The following ADCY1 variants were observed in gnomAD, a reference collection of about 807,000 sequenced individuals.
ADCY1 encodes adenylate cyclase type 1.
Under a neutral mutation model 105.4 loss-of-function variants are expected in ADCY1, and 28 were observed. The ratio of observed to expected loss-of-function variants is 0.27; its 90% confidence interval spans 0.20 to 0.36. The LOEUF (loss-of-function observed/expected upper bound fraction) is 0.36, where lower values mean the gene tolerates loss of function less well. Ranked by LOEUF, ADCY1 falls within the 10% of genes least tolerant of loss-of-function variation. ADCY1 has a pLI of 1.00. For synonymous variants in ADCY1, 655 were observed against 623.8 expected, an observed-to-expected ratio of 1.05 and a Z score of -0.75; for missense variants, 977 against 1,434.2, an observed-to-expected ratio of 0.68 and a Z score of 5.15.
chr7:45,610,807 ATGGTGGAGG>A (rs1793537783), intron 3 of ADCY1, among the ~76,000 whole-genome samples: 1 of 146,418 alleles, frequency 6.8e-6, no homozygotes, highest in African/African-American at 2.5e-5. Context: ...TGGGGAGGTG[ATGGTGGAGG>A]TATGGAGGTG....
At chr7:45,672,788 T>C (rs1440393819) in intron 8 of ADCY1, among the ~76,000 whole-genome samples, 2 of 152,194 alleles carry the variant, frequency 1.3e-5, no homozygotes, top group Non-Finnish European at 2.9e-5. Flanking sequence ...CCCATCTGTA[T>C]GCCTTTTACT....
intron 8 of ADCY1, among the ~76,000 whole-genome samples, chr7:45,665,909 G>A (rs1180167289): frequency 6.6e-6 from 1 of 152,168 alleles, no homozygotes; most frequent in Non-Finnish European, 1.5e-5. Flanking sequence ...TAAATCTTAC[G>A]AGGATAGCCT....
chr7:45,686,446 C>A lies in ADCY1; in HGVS notation c.2328-101C>A. The A allele has an allele frequency of 6.6e-7, 1 of 1,504,848 alleles. No homozygotes were observed. The highest frequency in any genetic ancestry group is 1.3e-5 in the South Asian group (1 of 74,644). 93.2% of individuals were successfully genotyped at this position (1,504,848 alleles called of 1,614,324 possible). A position where few individuals can be genotyped will look rare whatever the true frequency, so the allele number is the denominator to read the frequency against. On this transcript the variant is annotated intron_variant, in intron 13 of 19. Transcript: ENST00000297323. This position sits in a 1 kb window ranked among gnomAD's most constrained non-coding sequence, Gnocchi z 4.3. ...ATCCCAGCAAGCTGTTTTTGGGTGT[C>A]ACCACCTGAGGGTCACTCTGAACAG...
chr7:45,698,119 C>A (rs907517973), intron 14 of ADCY1, among the ~76,000 whole-genome samples: 2 of 151,832 alleles, frequency 1.3e-5, no homozygotes, highest in Non-Finnish European at 2.9e-5. Context: ...TTATAGAAAA[C>A]CACACATGCA....
At chr7:45,663,548 G>A (rs562945878) in intron 8 of ADCY1, among the ~76,000 whole-genome samples, 3 of 152,290 alleles carry the variant, frequency 2.0e-5, no homozygotes, top group East Asian at 3.9e-4. Flanking sequence ...TGGCTGGATC[G>A]GTGGGCTCAT....
At chr7:45,597,066 C>T (rs943703266) in intron 2 of ADCY1, among the ~76,000 whole-genome samples, 2 of 152,168 alleles carry the variant, frequency 1.3e-5, no homozygotes, top group Non-Finnish European at 2.9e-5. Context: ...GCTCAGAAAA[C>T]ACCTCCCAGT....
intron 2 of ADCY1, among the ~76,000 whole-genome samples, chr7:45,593,692 CAT>C (rs1792991550): frequency 6.6e-6 from 1 of 152,226 alleles, no homozygotes; most frequent in African/African-American, 2.4e-5. Flanking sequence ...CCAAACTGCT[CAT>C]GTCTCAGGCC....
chr7:45,669,420 T>G (rs1316677765), intron 8 of ADCY1, among the ~76,000 whole-genome samples: 1 of 152,242 alleles, frequency 6.6e-6, no homozygotes, highest in Admixed American at 6.5e-5. Flanking sequence ...GTTGTTCAGT[T>G]TCCATGTAGT....
At chr7:45,641,932 C>CAAA (rs56808890) in intron 4 of ADCY1, among the ~76,000 whole-genome samples, 2,688 of 36,408 alleles carry the variant, frequency 0.074, 532 homozygotes, top group Middle Eastern at 0.21. Context: ...GACTCCGTCT[C>CAAA]AAAAAAAAAA....
At chr7:45,589,219 C>T (rs1262312947) in intron 1 of ADCY1, among the ~76,000 whole-genome samples, 3 of 152,158 alleles carry the variant, frequency 2.0e-5, no homozygotes, top group Non-Finnish European at 2.9e-5. Context: ...GGTGTCCATA[C>T]TGGGAGACCA....
chr7:45,638,340 A>G (rs1199237894), intron 4 of ADCY1, among the ~76,000 whole-genome samples: 2 of 152,088 alleles, frequency 1.3e-5, no homozygotes, highest in African/African-American at 2.4e-5. Flanking sequence ...TCTGCAGTGT[A>G]TGTCATGTCA....
intron 2 of ADCY1, among the ~76,000 whole-genome samples, chr7:45,596,410 T>C (rs1313678949): frequency 6.6e-6 from 1 of 151,640 alleles, no homozygotes; most frequent in African/African-American, 2.4e-5. Context: ...CACCTGGTCC[T>C]GGGAGAGGAT....
At chr7:45,681,195 G>T (rs1784548225) in intron 11 of ADCY1, among the ~76,000 whole-genome samples, 1 of 152,212 alleles carries the variant, frequency 6.6e-6, no homozygotes, top group Admixed American at 6.5e-5. Context: ...GTGGGATTGG[G>T]GCGCTAAGTC....
intron 14 of ADCY1, among the ~76,000 whole-genome samples, chr7:45,690,472 A>G (rs998688849): frequency 6.6e-6 from 1 of 152,172 alleles, no homozygotes; most frequent in Non-Finnish European, 1.5e-5. Context: ...CAACCATGCA[A>G]AGAGGAACTG....
chr7:45,617,199 G>A (rs1793761846), intron 3 of ADCY1, among the ~76,000 whole-genome samples: 1 of 152,236 alleles, frequency 6.6e-6, no homozygotes. Flanking sequence ...ATTTGCTTGT[G>A]GAACTGGAGC....
intron 2 of ADCY1, among the ~76,000 whole-genome samples, chr7:45,596,430 G>A (rs1462950517): frequency 6.6e-6 from 1 of 152,022 alleles, no homozygotes; most frequent in Non-Finnish European, 1.5e-5. Flanking sequence ...TCTGGGTGTG[G>A]ACACACCCCA....
chr7:45,662,020 T>C, intron 7 of ADCY1, 39 bp from the exon 8 acceptor site: 1 of 1,598,488 alleles, frequency 6.3e-7, no homozygotes, highest in Non-Finnish European at 8.5e-7. Flanking sequence ...ATGTGTCTCA[T>C]TCACAGCATT....
chr7:45,649,468 T>A (rs2116063200), intron 5 of ADCY1, among the ~76,000 whole-genome samples: 1 of 152,266 alleles, frequency 6.6e-6, no homozygotes, highest in East Asian at 1.9e-4. Flanking sequence ...TATGCTCCAA[T>A]GAGATGGGGC....
At chr7:45,579,031 T>G (rs890758768) in intron 1 of ADCY1, among the ~76,000 whole-genome samples, 1 of 152,152 alleles carries the variant, frequency 6.6e-6, no homozygotes, top group African/African-American at 2.4e-5. Flanking sequence ...CACGGAGAAA[T>G]GGGAGTCAGC....
Sources: allele counts gnomAD v4.1 joint callset (sites outside exome capture counted in the v4.1 genomes callset), GRCh38; gene constraint gnomAD v4.1.1; non-coding constraint Gnocchi (gnomAD v3.1); transcripts MANE v1.5; gene names NCBI Gene and HGNC (gene_info 2026-07-23, HGNC 2026-07-21).